The following PDE4D variants were observed in gnomAD, a reference collection of about 807,000 sequenced individuals.
PDE4D encodes 3',5'-cyclic-AMP phosphodiesterase 4D.
PDE4D carries 24 observed loss-of-function variants against 87.4 expected under a neutral mutation model. The observed-to-expected ratio is 0.27, with a 90% CI of 0.20 to 0.39. PDE4D has a LOEUF of 0.39. PDE4D is among the 10% of genes least tolerant of loss of function. PDE4D has a pLI of 1.00. For missense variants in PDE4D, 714 were observed against 1,041.0 expected, an observed-to-expected ratio of 0.69 and a Z score of 4.32; for synonymous variants, 384 against 383.2, an observed-to-expected ratio of 1.00 and a Z score of -0.02.
intron 1 of PDE4D, among the ~76,000 whole-genome samples, chr5:59,862,900 T>C (rs1746490311): frequency 6.6e-6 from 1 of 152,218 alleles, no homozygotes; most frequent in Non-Finnish European, 1.5e-5. Flanking sequence ...AAACTAATGA[T>C]ATGAGATGAA....
intron 3 of PDE4D, among the ~76,000 whole-genome samples, chr5:59,190,087 C>G (rs1743979865): frequency 6.6e-6 from 1 of 152,126 alleles, no homozygotes. Flanking sequence ...CAAAGGAAAC[C>G]ATGATTTGGA....
intron 5 of PDE4D, among the ~76,000 whole-genome samples, chr5:59,127,873 A>G (rs79817841): frequency 0.024 from 3,627 of 152,042 alleles, 143 homozygotes; most frequent in African/African-American, 0.083. Flanking sequence ...TCAGCGCTGC[A>G]ATCCACCAGA....
chr5:59,131,528 G>A (rs16877155), intron 5 of PDE4D, among the ~76,000 whole-genome samples: 25,616 of 151,340 alleles, frequency 0.17, 2,252 homozygotes, highest in African/African-American at 0.19. Flanking sequence ...CAGCACGGGC[G>A]TGTGGTATTC....
chr5:59,443,346 G>A lies in PDE4D; in HGVS notation c.456-227378C>T, dbSNP rs566977437. Among the ~76,000 whole-genome samples the A allele has an allele frequency of 5.3e-5, 8 of 152,270 alleles. No individual in the cohort carries two copies. The East Asian group carries it at 1.5e-3, about 29-fold the overall frequency. On this transcript the variant is annotated intron_variant, in intron 1 of 14. Coordinates refer to ENST00000340635, the MANE Select transcript of PDE4D (RefSeq NM_001104631.2). ...TCTTATGAATAGACACAAAGAAATA[G>A]ATAAAGACAGCAAATGTTATACTCA...
At chr5:60,116,274 G>C (rs1452035859) in intron 2 of PDE4D, among the ~76,000 whole-genome samples, 1 of 152,126 alleles carries the variant, frequency 6.6e-6, no homozygotes, top group Admixed American at 6.6e-5. Context: ...TGTTGTGCAT[G>C]TGAACTTTTG....
At chr5:59,233,968 T>C (rs533357039) in intron 1 of PDE4D, among the ~76,000 whole-genome samples, 4 of 152,266 alleles carry the variant, frequency 2.6e-5, no homozygotes, top group Admixed American at 1.3e-4. Flanking sequence ...AAATTCATGG[T>C]GAGGCTATTC....
chr5:59,192,967 A>C (rs1744664542), intron 3 of PDE4D, among the ~76,000 whole-genome samples: 1 of 152,212 alleles, frequency 6.6e-6, no homozygotes. Flanking sequence ...TCATATTTAT[A>C]TTCCCAAACA....
chr5:59,292,026 T>C (rs932909457), intron 1 of PDE4D, among the ~76,000 whole-genome samples: 4 of 152,066 alleles, frequency 2.6e-5, no homozygotes, highest in African/African-American at 7.2e-5. Flanking sequence ...AAAGTTGCTT[T>C]ATGGAAAATG....
intron 1 of PDE4D, among the ~76,000 whole-genome samples, chr5:59,457,081 C>T (rs1007517614): frequency 6.6e-6 from 1 of 152,130 alleles, no homozygotes; most frequent in Admixed American, 6.5e-5. Context: ...AGGATTGTCT[C>T]CAATTTTGAA....
chr5:59,743,451 T>C (rs1759151885), intron 1 of PDE4D, among the ~76,000 whole-genome samples: 3 of 152,104 alleles, frequency 2.0e-5, no homozygotes, highest in Non-Finnish European at 4.4e-5. Flanking sequence ...TCAACATTAC[T>C]AATAGAGAGA....
rs545188524 is a variant in PDE4D at position 58,985,920 on chromosome 5, C to T, written c.1552+2573G>A. Among the ~76,000 whole-genome samples, 3 of 152,158 alleles carry T rather than the reference C, an allele frequency of 2.0e-5. No homozygotes were observed. The South Asian group carries it at 6.2e-4, about 32-fold the overall frequency. ...TTACATGATCCCTAGCCAAACCAAA[C>T]TAACTAAGGCTGTAATTTTGATAAT... is the stretch of plus-strand genomic sequence containing the variant. On this transcript the variant is annotated intron_variant, in intron 11 of 14. Coordinates refer to ENST00000340635, the MANE Select transcript of PDE4D (RefSeq NM_001104631.2).
At position 60,279,568 on chromosome 5, in the gene PDE4D, A is replaced by G. The variant is rs1751689369; in HGVS notation, c.-89-93881T>C. 1.3e-5 allele frequency among the ~76,000 whole-genome samples: 2 copies of G among 152,110 alleles called. 1 individual carries two copies. The highest frequency in any genetic ancestry group is 4.1e-4 in the South Asian group (2 of 4,832). On this transcript the variant is annotated intron_variant, in intron 1 of 16. Coordinates refer to the PDE4D transcript ENST00000502484. Reference sequence around the variant, plus strand: ...CCTGGAATATGGTGGTTATTATCTAAAAGTTTTGTCTTGTTAGGTTGACCC... The same window carrying G: ...CCTGGAATATGGTGGTTATTATCTAGAAGTTTTGTCTTGTTAGGTTGACCC...
chr5:60,219,105 A>G (rs572398769), intron 1 of PDE4D, among the ~76,000 whole-genome samples: 14 of 152,176 alleles, frequency 9.2e-5, no homozygotes, highest in Non-Finnish European at 1.9e-4. Context: ...AAACTTGACA[A>G]AAAGCATGTC....
chr5:59,044,939 T>C (rs1760364661), intron 5 of PDE4D, among the ~76,000 whole-genome samples: 1 of 152,234 alleles, frequency 6.6e-6, no homozygotes, highest in African/African-American at 2.4e-5. Flanking sequence ...TCATTGACTT[T>C]TAGTCCCACC....
intron 2 of PDE4D, among the ~76,000 whole-genome samples, chr5:59,207,812 T>G (rs1042884521): frequency 1.3e-5 from 2 of 152,102 alleles, no homozygotes; most frequent in Admixed American, 6.5e-5. Flanking sequence ...TTCACACTCT[T>G]TCTCTTTTAT....
chr5:59,468,731 T>A (rs1036592714), intron 1 of PDE4D, among the ~76,000 whole-genome samples: 1 of 152,210 alleles, frequency 6.6e-6, no homozygotes. Flanking sequence ...CTGTAATCCA[T>A]CACGTCTCTG....
At chr5:59,120,666 TA>T (rs11349022) in intron 5 of PDE4D, among the ~76,000 whole-genome samples, 29,321 of 149,442 alleles carry the variant, frequency 0.2, 3,523 homozygotes, top group African/African-American at 0.33. Flanking sequence ...TTCACAGAAA[TA>T]AAAAAAAACT....
At chr5:60,048,843 C>G (rs1187262911) in intron 2 of PDE4D, among the ~76,000 whole-genome samples, 1 of 152,046 alleles carries the variant, frequency 6.6e-6, no homozygotes, top group Non-Finnish European at 1.5e-5. Context: ...AATTATGTGT[C>G]TTGGAGTTGC....
intron 2 of PDE4D, among the ~76,000 whole-genome samples, chr5:60,132,651 A>ATT (rs1779683578): frequency 6.6e-6 from 1 of 152,198 alleles, no homozygotes; most frequent in Non-Finnish European, 1.5e-5. Flanking sequence ...GGACATGGTT[A>ATT]AAAGAGCATA....
Sources: gnomAD v4.1 joint callset for allele counts (sites outside exome capture counted in the v4.1 genomes callset) on GRCh38, gnomAD v4.1.1 for gene constraint, MANE v1.5 for transcripts, NCBI Gene and HGNC (gene_info 2026-07-23, HGNC 2026-07-21) for gene names.